Variants in WWOX observed in about 807,000 individuals in gnomAD.
The protein encoded by WWOX is WW domain-containing oxidoreductase.
Under a neutral mutation model 46.2 loss-of-function variants are expected in WWOX, and 69 were observed. That is an observed-to-expected ratio of 1.49 (90% CI 1.23 to 1.82). The LOEUF (loss-of-function observed/expected upper bound fraction) is 1.82, where lower values mean the gene tolerates loss of function less well. Ranked by LOEUF, WWOX falls within the 40% of genes most tolerant of loss-of-function variation. The pLI, the probability that WWOX is intolerant of heterozygous loss-of-function variation, is 0.00. For synonymous variants in WWOX, 359 were observed against 202.6 expected (o/e 1.77, Z -6.56); for missense variants, 919 against 542.6 (o/e 1.69, Z -6.89).
chr16:78,129,597 A>G (rs1290989819), intron 4 of WWOX, among the ~76,000 whole-genome samples: 1 of 152,116 alleles, frequency 6.6e-6, no homozygotes, highest in Non-Finnish European at 1.5e-5. Context: ...AAGCTTCCCA[A>G]TCAGCCTTTA....
At chr16:78,465,831 T>G (rs1430090861) in intron 8 of WWOX, among the ~76,000 whole-genome samples, 1 of 152,208 alleles carries the variant, frequency 6.6e-6, no homozygotes, top group African/African-American at 2.4e-5. Context: ...CAGTCTGAAT[T>G]GCATTCTGTT....
At chr16:78,700,087 C>G (rs2048180218) in intron 8 of WWOX, among the ~76,000 whole-genome samples, 1 of 151,858 alleles carries the variant, frequency 6.6e-6, no homozygotes, top group African/African-American at 2.4e-5. Flanking sequence ...GAGATACTGT[C>G]CTAGGGTCAT....
intron 8 of WWOX, among the ~76,000 whole-genome samples, chr16:78,732,530 C>T (rs1597509433): frequency 6.6e-6 from 1 of 152,116 alleles, no homozygotes; most frequent in African/African-American, 2.4e-5. Context: ...CCACAGAATT[C>T]ATGAATAGCG....
At chr16:78,593,647 CA>C (rs2045403906) in intron 8 of WWOX, among the ~76,000 whole-genome samples, 1 of 151,998 alleles carries the variant, frequency 6.6e-6, no homozygotes, top group South Asian at 2.1e-4. Context: ...ATAACTTCAC[CA>C]CACACAGCTA....
At chr16:78,826,053 A>G (rs1425300931) in intron 8 of WWOX, 1 of 430,416 alleles carries the variant, frequency 2.3e-6, no homozygotes. Context: ...GTTGCTTTGT[A>G]AAGACATTTA....
intron 8 of WWOX, among the ~76,000 whole-genome samples, chr16:78,564,000 C>G (rs1010593351): frequency 2.3e-4 from 35 of 152,124 alleles, no homozygotes; most frequent in Non-Finnish European, 4.1e-4. Flanking sequence ...TGCTACGAAC[C>G]CTTTTACTTC....
At chr16:78,110,334 C>T (rs2032417108) in intron 3 of WWOX, among the ~76,000 whole-genome samples, 1 of 100,002 alleles carries the variant, frequency 1.0e-5, no homozygotes, top group African/African-American at 4.1e-5. Context: ...AATGAGACTC[C>T]TTCTCAAAAA....
intron 5 of WWOX, among the ~76,000 whole-genome samples, chr16:78,258,734 G>A (rs1212568053): frequency 3.6e-4 from 47 of 130,416 alleles, no homozygotes; most frequent in African/African-American, 1.1e-3. Context: ...AAAAAAAAAA[G>A]GGCATATTCC....
At chr16:78,690,993 G>A (rs995644582) in intron 8 of WWOX, among the ~76,000 whole-genome samples, 3 of 152,042 alleles carry the variant, frequency 2.0e-5, no homozygotes, top group African/African-American at 4.8e-5. Flanking sequence ...AACGCCATTC[G>A]TAGACCCCCT....
At chr16:78,363,512 C>T (rs2081459815) in intron 5 of WWOX, among the ~76,000 whole-genome samples, 2 of 152,166 alleles carry the variant, frequency 1.3e-5, no homozygotes, top group East Asian at 1.9e-4. Context: ...CTCCTGGGCT[C>T]AACTGATCTT....
chr16:79,089,867 T>C (rs895079067), intron 8 of WWOX, among the ~76,000 whole-genome samples: 4 of 149,224 alleles, frequency 2.7e-5, no homozygotes, highest in African/African-American at 9.9e-5. Context: ...TCATGCTGGA[T>C]ATGGGGGCGG....
At chr16:78,829,405 C>G (rs1321446696) in intron 8 of WWOX, among the ~76,000 whole-genome samples, 1 of 152,124 alleles carries the variant, frequency 6.6e-6, no homozygotes, top group African/African-American at 2.4e-5. Flanking sequence ...AGATGAGATC[C>G]ACCCCTACAG....
intron 8 of WWOX, among the ~76,000 whole-genome samples, chr16:78,933,008 A>G (rs7198186): frequency 0.028 from 4,280 of 152,174 alleles, 195 homozygotes; most frequent in African/African-American, 0.097. Context: ...TGGGAATTAG[A>G]CTCACCCAGA....
chr16:78,864,713 G>C (rs1432233664), intron 8 of WWOX, among the ~76,000 whole-genome samples: 1 of 142,176 alleles, frequency 7.0e-6, no homozygotes, highest in African/African-American at 2.6e-5. Flanking sequence ...TGGATCTTTG[G>C]TAATTAAAAA....
At chr16:78,914,393 T>A (rs962009275) in intron 8 of WWOX, among the ~76,000 whole-genome samples, 1 of 151,868 alleles carries the variant, frequency 6.6e-6, no homozygotes, top group African/African-American at 2.4e-5. Context: ...TGCAGGTGAG[T>A]GAATGAGGGA....
At chr16:78,868,966 C>G (rs2044067292) in intron 8 of WWOX, among the ~76,000 whole-genome samples, 1 of 152,112 alleles carries the variant, frequency 6.6e-6, no homozygotes. Context: ...CATGTACACA[C>G]AGACACACAC....
At chr16:78,935,492 A>G (rs1455016981) in intron 8 of WWOX, among the ~76,000 whole-genome samples, 1 of 152,092 alleles carries the variant, frequency 6.6e-6, no homozygotes, top group Non-Finnish European at 1.5e-5. Flanking sequence ...ATTCTCAGCA[A>G]ACTATCACAA....
intron 8 of WWOX, among the ~76,000 whole-genome samples, chr16:78,872,005 G>C (rs1465280132): frequency 6.6e-6 from 1 of 152,188 alleles, no homozygotes; most frequent in Non-Finnish European, 1.5e-5. Flanking sequence ...CACTCAACAA[G>C]GGCCAACTGG....
At chr16:78,438,974 C>T (rs981620047) in intron 8 of WWOX, among the ~76,000 whole-genome samples, 3 of 152,072 alleles carry the variant, frequency 2.0e-5, no homozygotes, top group Admixed American at 6.5e-5. Context: ...CAATTTAAAA[C>T]GTAATGAAGG....
Sources: gnomAD v4.1 joint callset for allele counts (sites outside exome capture counted in the v4.1 genomes callset) on GRCh38, gnomAD v4.1.1 for gene constraint, MANE v1.5 for transcripts, NCBI Gene and HGNC (gene_info 2026-07-23, HGNC 2026-07-21) for gene names.